ZNF727: variants seen among roughly 807,000 people sequenced by gnomAD.
The protein encoded by ZNF727 is zinc finger protein 727, also known as putative zinc finger protein 727.
Under a neutral mutation model 11.5 loss-of-function variants are expected in ZNF727, and 11 were observed. The ratio of observed to expected loss-of-function variants is 0.95; its 90% CI spans 0.60 to 1.58. The LOEUF is 1.58. Among genes scored for constraint, ZNF727 ranks in the 40% most tolerant of loss-of-function variants. ZNF727 has a pLI of 0.00. For synonymous variants in ZNF727, 171 were observed against 196.1 expected, an observed-to-expected ratio of 0.87 and a Z score of 1.07; for missense variants, 533 against 581.7, an observed-to-expected ratio of 0.92 and a Z score of 0.86.
At chr7:64,049,330 A>G (rs1217537489) in intron 1 of ZNF727, among the ~76,000 whole-genome samples, 1 of 151,740 alleles carries the variant, frequency 6.6e-6, no homozygotes, top group Non-Finnish European at 1.5e-5. Flanking sequence ...TTTCAATTTT[A>G]TGTATTCTTT....
chr7:64,083,705 C>G lies in ZNF727; in HGVS notation c.*5156C>G, dbSNP rs1785829548. Among the ~76,000 whole-genome samples, 1 of 152,184 alleles carries G rather than the reference C, an allele frequency of 6.6e-6. No individual in the cohort carries two copies. Among genetic ancestry groups the G allele is most frequent in the Non-Finnish European group, 1.5e-5 (1 of 68,036 alleles). ...TCATGGGTTTCTAGGGTCACACATGCACTCACTGCTTTACTGGGTGGGGAG... is the reference window on the plus strand; with the variant it reads ...TCATGGGTTTCTAGGGTCACACATGGACTCACTGCTTTACTGGGTGGGGAG... On this transcript the variant is annotated 3_prime_UTR_variant, in exon 4 of 4. Coordinates refer to ENST00000456806, the MANE Select transcript of ZNF727 (RefSeq NM_001159522.3).
intron 1 of ZNF727, among the ~76,000 whole-genome samples, chr7:64,062,806 T>C (rs970942997): frequency 7.3e-5 from 11 of 149,920 alleles, no homozygotes; most frequent in Non-Finnish European, 1.0e-4. Flanking sequence ...AGGCTATTTT[T>C]TTTTTGTCTC....
rs1014023532 is a variant in ZNF727 at position 64,080,894 on chromosome 7, T to C, written c.*2345T>C. ...TTTGTTTTTTGTTTTTTGTTTTTGT[T>C]TTTTTTTTTGTGGTGGTGGAGGGGG... On this transcript the variant is annotated 3_prime_UTR_variant, in exon 4 of 4. Coordinates refer to ENST00000456806, the MANE Select transcript of ZNF727 (RefSeq NM_001159522.3). Among the ~76,000 whole-genome samples the C allele has an allele frequency of 6.8e-6, 1 of 146,534 alleles. No individual in the cohort carries two copies. The highest frequency in any genetic ancestry group is 2.6e-5 in the African/African-American group (1 of 38,554).
At chr7:64,071,348 A>G (rs1789959567) in intron 3 of ZNF727, among the ~76,000 whole-genome samples, 1 of 152,070 alleles carries the variant, frequency 6.6e-6, no homozygotes, top group African/African-American at 2.4e-5. Context: ...TTTAATTTGC[A>G]TCTGCCAGAT....
intron 1 of ZNF727, among the ~76,000 whole-genome samples, chr7:64,059,624 C>T (rs555073067): frequency 7.6e-4 from 115 of 152,210 alleles, no homozygotes; most frequent in African/African-American, 2.6e-3. Context: ...CTGACTAAAC[C>T]CTCTTTCATG....
At chr7:64,061,603 T>C (rs1377769453) in intron 1 of ZNF727, among the ~76,000 whole-genome samples, 10 of 151,956 alleles carry the variant, frequency 6.6e-5, no homozygotes, top group Admixed American at 6.6e-5. Context: ...AAACAGATTG[T>C]TGGGTCTCGT....
chr7:64,078,186 G>A lies in ZNF727; in HGVS notation c.1137G>A (p.Trp379Ter), dbSNP rs1785718576. ...KCEECGKTFK[W>*]FSDLTNHKRI... ...AAGAATGTGGCAAAACCTTTAAGTG[G>A]TTCTCAGACCTGACTAATCATAAGA... is the stretch of plus-strand genomic sequence containing the variant. The change falls in exon 4 of 4, where the codon TGG becomes TGA. Residue 379 changes from tryptophan (W) to a stop codon, truncating the protein, a stop_gained. Transcript: ENST00000456806. LOFTEE classifies it low-confidence loss of function (END_TRUNC). The A allele has an allele frequency of 3.8e-6, 6 of 1,597,484 alleles. No individual in the cohort carries two copies. The highest frequency in any genetic ancestry group is 3.4e-6 in the Non-Finnish European group (4 of 1,171,672).
chr7:64,057,544 T>C lies in ZNF727; in HGVS notation c.4-11347T>C, dbSNP rs373773701. On this transcript the variant is annotated intron_variant, in intron 1 of 3. Transcript: ENST00000456806. ...GACACCTTGGGGGAACAACACACCC[T>C]GGGGCCTGTCAGGGGGCGGGGAGAG... Among the ~76,000 whole-genome samples the C allele has an allele frequency of 2.4e-4, 37 of 152,108 alleles. 1 individual carries two copies. The South Asian group carries it at 7.7e-3, about 32-fold the overall frequency.
Position 64,077,631 on chromosome 7 carries a change from T to TA in ZNF727, c.583dup (p.Thr195AsnfsTer4), listed in dbSNP as rs753069958. ...ATTTTACCATACAGAAGAGAATTCA[T>TA]ACTGCAGATAGAAGTTACAAATGTG... is the stretch of plus-strand genomic sequence containing the variant. On this transcript the variant is annotated frameshift_variant, in exon 4 of 4. Coordinates refer to ENST00000456806, the MANE Select transcript of ZNF727 (RefSeq NM_001159522.3). LOFTEE classifies it low-confidence loss of function (END_TRUNC). The TA allele has an allele frequency of 1.9e-6, 3 of 1,552,664 alleles. No homozygotes were observed. The highest frequency in any genetic ancestry group is 1.2e-5 in the South Asian group (1 of 84,152).
intron 1 of ZNF727, among the ~76,000 whole-genome samples, chr7:64,067,472 G>C (rs1024244104): frequency 2.0e-5 from 3 of 152,090 alleles, no homozygotes; most frequent in Non-Finnish European, 4.4e-5. Flanking sequence ...CAATAGCAAA[G>C]GCATGGAACC....
intron 1 of ZNF727, among the ~76,000 whole-genome samples, chr7:64,050,671 C>T (rs1422208113): frequency 6.6e-6 from 1 of 151,870 alleles, no homozygotes; most frequent in Non-Finnish European, 1.5e-5. Flanking sequence ...CATAGAGATA[C>T]CAGTTTAGGG....
chr7:64,084,914 A>C lies in ZNF727; in HGVS notation c.*6365A>C, dbSNP rs572864045. Among the ~76,000 whole-genome samples, 1 of 152,308 alleles carries C rather than the reference A, an allele frequency of 6.6e-6. No homozygotes were observed. The highest frequency in any genetic ancestry group is 1.5e-5 in the Non-Finnish European group (1 of 67,994). On this transcript the variant is annotated 3_prime_UTR_variant, in exon 4 of 4. Coordinates refer to ENST00000456806, the MANE Select transcript of ZNF727 (RefSeq NM_001159522.3). ...ACATGTGTTGATATCTTGCCAGCAAACCAGTAATTTCAAAGATTTTGAAAG... is the reference window on the plus strand; with the variant it reads ...ACATGTGTTGATATCTTGCCAGCAACCCAGTAATTTCAAAGATTTTGAAAG...
At chr7:64,053,821 C>T (rs986150952) in intron 1 of ZNF727, among the ~76,000 whole-genome samples, 6 of 152,188 alleles carry the variant, frequency 3.9e-5, no homozygotes, top group African/African-American at 1.4e-4. Context: ...TTACCCGCAG[C>T]ATGAAAACAC....
chr7:64,084,945 C>A lies in ZNF727; in HGVS notation c.*6396C>A, dbSNP rs969515479. 6.6e-6 allele frequency among the ~76,000 whole-genome samples: 1 copy of A among 152,124 alleles called. No individual in the cohort carries two copies. Among genetic ancestry groups the A allele is most frequent in the Non-Finnish European group, 1.5e-5 (1 of 67,980 alleles). ...AATTTCAAAGATTTTGAAAGAAAAT[C>A]TGTTTTCTCTGCTTTGTATTAAATT... On this transcript the variant is annotated 3_prime_UTR_variant, in exon 4 of 4. Coordinates refer to ENST00000456806, the MANE Select transcript of ZNF727 (RefSeq NM_001159522.3).
chr7:64,047,423 G>A (rs1584138679), intron 1 of ZNF727, among the ~76,000 whole-genome samples: 1 of 152,272 alleles, frequency 6.6e-6, no homozygotes, highest in Non-Finnish European at 1.5e-5. Flanking sequence ...ATCACCTGAC[G>A]CTCTGCGCAT....
chr7:64,059,312 T>C (rs960454357), intron 1 of ZNF727, among the ~76,000 whole-genome samples: 1 of 152,140 alleles, frequency 6.6e-6, no homozygotes, highest in Non-Finnish European at 1.5e-5. Context: ...AAAAACCAGT[T>C]GTAAAAAAAA....
At chr7:64,049,751 AT>A (rs1789562137) in intron 1 of ZNF727, among the ~76,000 whole-genome samples, 1 of 151,446 alleles carries the variant, frequency 6.6e-6, no homozygotes, top group Admixed American at 6.6e-5. Context: ...ATATCTTAGC[AT>A]TTTATCTTAT....
intron 3 of ZNF727, 103 bp downstream of exon 3, chr7:64,069,712 A>T: frequency 1.1e-6 from 1 of 928,192 alleles, no homozygotes; most frequent in East Asian, 2.7e-5. Flanking sequence ...CTCCAGTGGA[A>T]ATCGTTTCTG....
intron 1 of ZNF727, among the ~76,000 whole-genome samples, chr7:64,057,835 A>G (rs547315901): frequency 1.3e-5 from 2 of 152,306 alleles, no homozygotes; most frequent in South Asian, 4.1e-4. Context: ...CTCTTAATGC[A>G]GTTATATTCT....
Sources: allele counts gnomAD v4.1 joint callset (sites outside exome capture counted in the v4.1 genomes callset), GRCh38; gene constraint gnomAD v4.1.1; transcripts MANE v1.5; gene names NCBI Gene and HGNC (gene_info 2026-07-23, HGNC 2026-07-21).